Variants in SRPK2 observed in about 807,000 individuals in gnomAD.
SRPK2 encodes SRSF protein kinase 2.
A neutral mutation model predicts 90.8 loss-of-function variants in SRPK2; 21 were observed. That is an observed-to-expected ratio of 0.23 (90% CI 0.16 to 0.33). SRPK2 has a LOEUF of 0.33. Ranked by LOEUF, SRPK2 falls within the 10% of genes least tolerant of loss-of-function variation. The pLI, the probability that SRPK2 is intolerant of heterozygous loss-of-function variation, is 1.00. For missense variants in SRPK2, 620 were observed against 869.0 expected, an observed-to-expected ratio of 0.71 and a Z score of 3.60; for synonymous variants, 288 against 311.1, an observed-to-expected ratio of 0.93 and a Z score of 0.78.
intron 2 of SRPK2, among the ~76,000 whole-genome samples, chr7:105,281,004 A>C: frequency 6.8e-6 from 1 of 147,092 alleles, no homozygotes; most frequent in African/African-American, 2.5e-5. Context: ...ATAAGGCATA[A>C]GAGTTAGTGC....
chr7:105,256,685 G>C (rs931770297), intron 2 of SRPK2, among the ~76,000 whole-genome samples: 4 of 152,018 alleles, frequency 2.6e-5, no homozygotes, highest in African/African-American at 9.7e-5. Flanking sequence ...GAAGAGATTT[G>C]ACATAAAAAT....
chr7:105,372,012 GT>G (rs1819745605), intron 2 of SRPK2, among the ~76,000 whole-genome samples: 3 of 152,010 alleles, frequency 2.0e-5, no homozygotes, highest in Admixed American at 2.0e-4. Flanking sequence ...GCGGGCGCCT[GT>G]AGTCCCAGTT....
chr7:105,337,886 T>A (rs1054245638), intron 2 of SRPK2, among the ~76,000 whole-genome samples: 3 of 151,894 alleles, frequency 2.0e-5, no homozygotes, highest in African/African-American at 7.3e-5. Context: ...AAGGGAGAAA[T>A]AATATGCAAG....
Position 105,376,386 on chromosome 7 carries a change from C to G in SRPK2, c.71+12262G>C, listed in dbSNP as rs989925565. On this transcript the variant is annotated intron_variant, in intron 2 of 15. Transcript: ENST00000393651. The stretch of plus-strand genomic sequence containing the variant: ...GAGCAAAGAGTTGTAGTCCGTCTAC[C>G]CTCACCCCATCCCATCCCTATCCAT... 2.0e-5 allele frequency among the ~76,000 whole-genome samples: 3 copies of G among 151,794 alleles called. No homozygotes were observed. In the South Asian group the frequency reaches 6.2e-4, roughly 32 times the overall value.
intron 7 of SRPK2, among the ~76,000 whole-genome samples, chr7:105,155,086 T>C (rs565307856): frequency 2.0e-5 from 3 of 151,858 alleles, no homozygotes; most frequent in African/African-American, 4.8e-5. Flanking sequence ...GTCCAAGTGA[T>C]TCTCTTGCCG....
intron 2 of SRPK2, among the ~76,000 whole-genome samples, chr7:105,248,393 G>T: frequency 6.9e-6 from 1 of 145,888 alleles, no homozygotes; most frequent in East Asian, 2.1e-4. Flanking sequence ...GAATCTGAGA[G>T]TAGACTGAGC....
chr7:105,268,850 C>T, intron 2 of SRPK2: 6 of 1,590,200 alleles, frequency 3.8e-6, no homozygotes, highest in Non-Finnish European at 5.2e-6. Flanking sequence ...ACATCAGCAG[C>T]TCAATCTTCT....
At chr7:105,120,698 T>C (rs947786893) in intron 15 of SRPK2, among the ~76,000 whole-genome samples, 2 of 151,690 alleles carry the variant, frequency 1.3e-5, no homozygotes, top group Non-Finnish European at 2.9e-5. Context: ...AAAAAGTTTA[T>C]AATATAATGC....
At chr7:105,259,891 T>A (rs2129839250) in intron 2 of SRPK2, among the ~76,000 whole-genome samples, 1 of 152,282 alleles carries the variant, frequency 6.6e-6, no homozygotes, top group South Asian at 2.1e-4. Context: ...TAACTCAAGA[T>A]GGATGAAAGA....
chr7:105,203,925 C>A, intron 2 of SRPK2, 140 bp from the exon 3 acceptor site: 1 of 1,095,832 alleles, frequency 9.1e-7, no homozygotes, highest in South Asian at 1.7e-5. Flanking sequence ...TCACTTCACC[C>A]ATTTTAGTTG....
chr7:105,352,594 T>C (rs147999677), intron 2 of SRPK2, among the ~76,000 whole-genome samples: 1 of 152,350 alleles, frequency 6.6e-6, no homozygotes, highest in African/African-American at 2.4e-5. Context: ...TGTTATGTGG[T>C]AATAAATAGC....
intron 3 of SRPK2, among the ~76,000 whole-genome samples, chr7:105,194,187 T>C (rs962109160): frequency 1.3e-5 from 2 of 152,172 alleles, no homozygotes; most frequent in African/African-American, 4.8e-5. Flanking sequence ...GAAGATATTC[T>C]CTTACTTTTT....
At chr7:105,162,011 T>G (rs1309537576) in intron 6 of SRPK2, among the ~76,000 whole-genome samples, 1 of 152,198 alleles carries the variant, frequency 6.6e-6, no homozygotes, top group Non-Finnish European at 1.5e-5. Context: ...GATTCCCAAG[T>G]AGTCAGTACT....
At chr7:105,366,016 A>T (rs1585909076) in intron 2 of SRPK2, among the ~76,000 whole-genome samples, 2 of 151,890 alleles carry the variant, frequency 1.3e-5, no homozygotes, top group Non-Finnish European at 2.9e-5. Flanking sequence ...TACCACGCCC[A>T]GCTAATCTTT....
At chr7:105,354,843 G>A (rs1232021796) in intron 2 of SRPK2, among the ~76,000 whole-genome samples, 12 of 152,076 alleles carry the variant, frequency 7.9e-5, no homozygotes, top group Admixed American at 7.9e-4. Flanking sequence ...CAATTTTACA[G>A]TATTTTTATC....
intron 2 of SRPK2, among the ~76,000 whole-genome samples, chr7:105,237,024 T>C (rs1192690446): frequency 6.6e-6 from 1 of 152,344 alleles, no homozygotes; most frequent in East Asian, 1.9e-4. Context: ...CAAGTTTGTG[T>C]AAAGACAGGC....
At chr7:105,306,581 GA>G in intron 2 of SRPK2, 1 of 420,578 alleles carries the variant, frequency 2.4e-6, no homozygotes, top group Non-Finnish European at 4.6e-6. Context: ...CCTGAACAAA[GA>G]AAAAACAGTC....
chr7:105,146,494 T>G lies in SRPK2; in HGVS notation c.786A>C (p.Ala262=). Residue 262 remains alanine, a splice_region_variant and synonymous_variant, in exon 8 of 16, where the codon GCA becomes GCC. Coordinates refer to ENST00000393651, the MANE Select transcript of SRPK2 (RefSeq NM_182692.3). ...KAGAPPPSGS[A]VSTAPQQKPI... ...ATGAAGCTGGCTCAGCTCCCTCACCTGCAGACCCTGAAGGAGGAGGAGCAC... is the reference window on the plus strand; with the variant it reads ...ATGAAGCTGGCTCAGCTCCCTCACCGGCAGACCCTGAAGGAGGAGGAGCAC... 1 of 1,614,066 alleles carries G rather than the reference T, an allele frequency of 6.2e-7. No homozygotes were observed. The highest frequency in any genetic ancestry group is 8.5e-7 in the Non-Finnish European group (1 of 1,179,956).
intron 6 of SRPK2, 81 bp from the exon 7 acceptor site, chr7:105,160,694 G>C: frequency 1.3e-6 from 1 of 754,720 alleles, no homozygotes; most frequent in South Asian, 1.6e-5. Context: ...TGTGTCACTT[G>C]CAAAGCACTT....
Sources: gnomAD v4.1 joint callset for allele counts (sites outside exome capture counted in the v4.1 genomes callset) on GRCh38, gnomAD v4.1.1 for gene constraint, MANE v1.5 for transcripts, NCBI Gene and HGNC (gene_info 2026-07-23, HGNC 2026-07-21) for gene names.